PTTG2: variants seen among roughly 807,000 people sequenced by gnomAD.
PTTG2 encodes pituitary tumor-transforming 2.
For missense variants in PTTG2, 218 were observed against 226.3 expected (o/e 0.96, Z 0.23); for synonymous variants, 90 against 84.2 (o/e 1.07, Z -0.37).
At chr4:37,960,509 GCTGGAGT>G in the PTTG2 span, 1 of 1,614,150 alleles carries the variant, frequency 6.2e-7, no homozygotes, top group South Asian at 1.1e-5. Flanking sequence ...ATGTGCTGAA[GCTGGAGT>G]CTAGACCTTC....
the PTTG2 span, chr4:37,960,584 C>G: frequency 6.2e-7 from 1 of 1,614,006 alleles, no homozygotes; most frequent in Non-Finnish European, 8.5e-7. Flanking sequence ...GCAAAACATA[C>G]GATGCTCCAT....
At position 37,960,472 on chromosome 4, in the gene PTTG2, A is replaced by G; in HGVS notation, c.38A>G (p.Glu13Gly). The change falls in exon 1 of 1, where the codon GAA (glutamate) becomes GGA (glycine). Residue 13 changes from glutamate (E) to glycine (G), a missense_variant. Transcript: ENST00000504686. The stretch of plus-strand genomic sequence containing the variant: ...ATCTACGTTGATAAGGAAATTGGAG[A>G]ACCAGGCACCCGTGTGGCTGCCAAG... ...TLIYVDKEIGEPGTRVAAKDV... is the reference protein window; with the variant it reads ...TLIYVDKEIGGPGTRVAAKDV... 4 of 1,613,956 alleles carry G rather than the reference A, an allele frequency of 2.5e-6. No individual in the cohort carries two copies. Among genetic ancestry groups the G allele is most frequent in the Non-Finnish European group, 3.4e-6 (4 of 1,179,930 alleles).
chr4:37,960,857 G>C lies in PTTG2; in HGVS notation c.423G>C (p.Leu141Phe), dbSNP rs1729889169. ...PEERQIAHLP[L>F]SGVPLMILDE... ...AGCGCCAGATTGCACACCTCCCCTT[G>C]AGTGGAGTGCCTCTCATGATCCTTG... The change falls in exon 1 of 1, where the codon TTG becomes TTC. Residue 141 changes from leucine to phenylalanine, a missense_variant. Physicochemically the swap from Leu to Phe is conservative, Grantham distance 22. Coordinates refer to ENST00000504686, the MANE Select transcript of PTTG2 (RefSeq NM_006607.3). 1 of 1,614,134 alleles carries C rather than the reference G, an allele frequency of 6.2e-7. No individual in the cohort carries two copies. The highest frequency in any genetic ancestry group is 8.5e-7 in the Non-Finnish European group (1 of 1,180,024).
In PTTG2 at chr4:37,961,047, T is replaced by A; in HGVS notation, c.*37T>A. 2.5e-6 allele frequency: 4 copies of A among 1,609,066 alleles called. No individual in the cohort carries two copies. Among genetic ancestry groups the A allele is most frequent in the Non-Finnish European group, 3.4e-6 (4 of 1,175,394 alleles). ...TTTGCTATGACATAGATATTTAAAT[T>A]TCTTAGTGCTTTGGAGTTTGTGTGT... On this transcript the variant is annotated 3_prime_UTR_variant, in exon 1 of 1. Coordinates refer to ENST00000504686, the MANE Select transcript of PTTG2 (RefSeq NM_006607.3).
Position 37,961,027 on chromosome 4 carries a change from T to C in PTTG2, c.*17T>C. 1 of 1,613,624 alleles carries C rather than the reference T, an allele frequency of 6.2e-7. No homozygotes were observed. The highest frequency in any genetic ancestry group is 8.5e-7 in the Non-Finnish European group (1 of 1,179,452). On this transcript the variant is annotated 3_prime_UTR_variant, in exon 1 of 1. Transcript: ENST00000504686. ...GGATGTTGAATTGCCAGCTGTTTGC[T>C]ATGACATAGATATTTAAATTTCTTA...
rs139387268 is a variant in PTTG2, at chr4:37,960,568, G to T, written c.134G>T (p.Arg45Leu). 343 of 1,614,132 alleles carry T rather than the reference G, an allele frequency of 2.1e-4. No individual in the cohort carries two copies. The East Asian group carries it at 7.0e-3, about 33-fold the overall frequency. The change falls in exon 1 of 1, where the codon CGT (arginine) becomes CTT (leucine). Residue 45 changes from arginine to leucine, a missense_variant. Transcript: ENST00000504686. The stretch of plus-strand genomic sequence containing the variant: ...GGGATATCTCAAGTTTTAACACGAC[G>T]TTTTGGCAAAACATACGATGCTCCA... The part of the protein sequence containing the change: ...LDGISQVLTR[R>L]FGKTYDAPSA...
chr4:37,960,850 T>C lies in PTTG2; in HGVS notation c.416T>C (p.Leu139Pro). 1 of 1,614,102 alleles carries C rather than the reference T, an allele frequency of 6.2e-7. No homozygotes were observed. The highest frequency in any genetic ancestry group is 8.5e-7 in the Non-Finnish European group (1 of 1,179,996). Residue 139 changes from leucine to proline, a missense_variant, in exon 1 of 1, where the codon CTC becomes CCC. Transcript: ENST00000504686. ...DLPEERQIAHLPLSGVPLMIL... is the reference protein window; with the variant it reads ...DLPEERQIAHPPLSGVPLMIL... ...CCTGAAGAGCGCCAGATTGCACACC[T>C]CCCCTTGAGTGGAGTGCCTCTCATG...
At position 37,960,707 on chromosome 4, in the gene PTTG2, A is replaced by G; in HGVS notation, c.273A>G (p.Lys91=). The change falls in exon 1 of 1, where the codon AAA becomes AAG. Residue 91 remains lysine (K), a synonymous_variant. Transcript: ENST00000504686. ...RKQKQPSFSA[K]KMTEKTVKTK... ...AAAAACAGCCAAGCTTTTCTGCCAAAAAGATGACCGAGAAGACTGTTAAAA... is the reference window on the plus strand; with the variant it reads ...AAAAACAGCCAAGCTTTTCTGCCAAGAAGATGACCGAGAAGACTGTTAAAA... 2 of 1,614,240 alleles carry G rather than the reference A, an allele frequency of 1.2e-6. No individual in the cohort carries two copies. The highest frequency in any genetic ancestry group is 8.5e-7 in the Non-Finnish European group (1 of 1,180,042).
chr4:37,960,531 A>C lies in PTTG2; in HGVS notation c.97A>C (p.Lys33Gln). 1 of 1,614,198 alleles carries C rather than the reference A, an allele frequency of 6.2e-7. No homozygotes were observed. Among genetic ancestry groups the C allele is most frequent in the Non-Finnish European group, 8.5e-7 (1 of 1,180,028 alleles). ...VLKLESRPSI[K>Q]ALDGISQVLT... ...GAAGCTGGAGTCTAGACCTTCAATC[A>C]AAGCATTAGATGGGATATCTCAAGT... The change falls in exon 1 of 1, where the codon AAA becomes CAA. Residue 33 changes from lysine to glutamine, a missense_variant. Transcript: ENST00000504686.
chr4:37,961,042 T>A lies in PTTG2; in HGVS notation c.*32T>A. ...AGCTGTTTGCTATGACATAGATATTTAAATTTCTTAGTGCTTTGGAGTTTG... is the reference window on the plus strand; with the variant it reads ...AGCTGTTTGCTATGACATAGATATTAAAATTTCTTAGTGCTTTGGAGTTTG... On this transcript the variant is annotated 3_prime_UTR_variant, in exon 1 of 1. Coordinates refer to ENST00000504686, the MANE Select transcript of PTTG2 (RefSeq NM_006607.3). 6.2e-7 allele frequency: 1 copy of A among 1,611,308 alleles called. No homozygotes were observed. Among genetic ancestry groups the A allele is most frequent in the Non-Finnish European group, 8.5e-7 (1 of 1,177,378 alleles).
Position 37,960,716 on chromosome 4 carries a change from C to T in PTTG2, c.282C>T (p.Thr94=), listed in dbSNP as rs557030910. 111 of 1,614,140 alleles carry T rather than the reference C, an allele frequency of 6.9e-5. No individual in the cohort carries two copies. Among genetic ancestry groups the T allele is most frequent in the African/African-American group, 1.1e-4 (8 of 75,006 alleles). ...KQPSFSAKKM[T]EKTVKTKSSV... ...CAAGCTTTTCTGCCAAAAAGATGAC[C>T]GAGAAGACTGTTAAAACAAAAAGTT... The change falls in exon 1 of 1, where the codon ACC becomes ACT. Residue 94 remains threonine, a synonymous_variant. Coordinates refer to ENST00000504686, the MANE Select transcript of PTTG2 (RefSeq NM_006607.3).
rs575402767 is a variant in PTTG2 at position 37,960,762 on chromosome 4, G to A, written c.328G>A (p.Ala110Thr). ...AAGTTCTGTTCCTGCCTCAGATGAC[G>A]CCTATCCAGAAATAGAAAAATTCTT... ...TKSSVPASDD[A>T]YPEIEKFFPF... The change falls in exon 1 of 1, where the codon GCC (alanine) becomes ACC (threonine). Residue 110 changes from alanine to threonine, a missense_variant. Physicochemically the swap from Ala to Thr is moderately conservative, Grantham distance 58. Transcript: ENST00000504686. 8.0e-5 allele frequency: 129 copies of A among 1,614,076 alleles called. No homozygotes were observed. The South Asian group carries it at 1.0e-3, about 13-fold the overall frequency.
rs1729860446 is a variant in PTTG2 at position 37,960,774 on chromosome 4, A to G, written c.340A>G (p.Ile114Val). 5.6e-6 allele frequency: 9 copies of G among 1,614,076 alleles called. No individual in the cohort carries two copies. The highest frequency in any genetic ancestry group is 6.8e-6 in the Non-Finnish European group (8 of 1,180,040). ...VPASDDAYPE[I>V]EKFFPFNLLD... The stretch of plus-strand genomic sequence containing the variant: ...TGCCTCAGATGACGCCTATCCAGAA[A>G]TAGAAAAATTCTTTCCCTTCAATCT... Residue 114 changes from isoleucine to valine, a missense_variant, in exon 1 of 1, where the codon ATA (isoleucine) becomes GTA (valine). Transcript: ENST00000504686.
In PTTG2 at chr4:37,960,702, G is replaced by A. The variant is rs373049050; in HGVS notation, c.268G>A (p.Ala90Thr). 6.2e-7 allele frequency: 1 copy of A among 1,614,082 alleles called. No homozygotes were observed. The highest frequency in any genetic ancestry group is 8.5e-7 in the Non-Finnish European group (1 of 1,180,036). Residue 90 changes from alanine (A) to threonine (T), a missense_variant, in exon 1 of 1, where the codon GCC becomes ACC. Coordinates refer to ENST00000504686, the MANE Select transcript of PTTG2 (RefSeq NM_006607.3). ...PRKQKQPSFS[A>T]KKMTEKTVKT... is the part of the protein sequence containing the mutation. ...AAAACAAAAACAGCCAAGCTTTTCT[G>A]CCAAAAAGATGACCGAGAAGACTGT...
chr4:37,961,001 T>C lies in PTTG2; in HGVS notation c.567T>C (p.Pro189=). 1.2e-6 allele frequency: 2 copies of C among 1,614,226 alleles called. No homozygotes were observed. The highest frequency in any genetic ancestry group is 1.7e-6 in the Non-Finnish European group (2 of 1,180,034). ...TCTCCTTCAAGCATTCTGTCGACCC[T>C]GGATGTTGAATTGCCAGCTGTTTGC... is the stretch of plus-strand genomic sequence containing the variant. ...FAVSFKHSVD[P]GC Residue 189 remains proline, a synonymous_variant, in exon 1 of 1, where the codon CCT becomes CCC. Transcript: ENST00000504686.
chr4:37,960,945 T>G lies in PTTG2; in HGVS notation c.511T>G (p.Ser171Ala), dbSNP rs1298079111. The G allele has an allele frequency of 1.2e-6, 2 of 1,614,030 alleles. No individual in the cohort carries two copies. The highest frequency in any genetic ancestry group is 2.7e-5 in the African/African-American group (2 of 74,906). The change falls in exon 1 of 1, where the codon TCT becomes GCT. Residue 171 changes from serine (S) to alanine (A), a missense_variant. Ser to Ala is a moderately conservative substitution (Grantham distance 99, BLOSUM62 1). Coordinates refer to ENST00000504686, the MANE Select transcript of PTTG2 (RefSeq NM_006607.3). ...LGPPSPVKMPSPPWECNLFAV... is the reference protein window; with the variant it reads ...LGPPSPVKMPAPPWECNLFAV... Reference sequence around the variant, plus strand: ...CCCCCCTTCACCTGTGAAAATGCCCTCTCCACCATGGGAATGCAATCTGTT... The same window carrying G: ...CCCCCCTTCACCTGTGAAAATGCCCGCTCCACCATGGGAATGCAATCTGTT...
Position 37,961,049 on chromosome 4 carries a change from C to T in PTTG2, c.*39C>T, listed in dbSNP as rs774281197. On this transcript the variant is annotated 3_prime_UTR_variant, in exon 1 of 1. Transcript: ENST00000504686. ...TGCTATGACATAGATATTTAAATTT[C>T]TTAGTGCTTTGGAGTTTGTGTGTAC... is the stretch of plus-strand genomic sequence containing the variant. 1.4e-5 allele frequency: 22 copies of T among 1,609,518 alleles called. No individual in the cohort carries two copies. The Admixed American group carries it at 3.3e-4, about 24-fold the overall frequency.
chr4:37,960,929 AC>A, the PTTG2 span: 3 of 1,613,888 alleles, frequency 1.9e-6, no homozygotes, highest in African/African-American at 4.0e-5. Flanking sequence ...GCCCCCCTTC[AC>A]CTGTGAAAAT....
chr4:37,960,652 A>G lies in PTTG2; in HGVS notation c.218A>G (p.Lys73Arg). The G allele has an allele frequency of 6.2e-7, 1 of 1,614,202 alleles. No individual in the cohort carries two copies. Among genetic ancestry groups the G allele is most frequent in the Non-Finnish European group, 8.5e-7 (1 of 1,180,034 alleles). Residue 73 changes from lysine to arginine, a missense_variant, in exon 1 of 1, where the codon AAG becomes AGG. By Grantham distance (26) the Lys-to-Arg change is conservative. Coordinates refer to ENST00000504686, the MANE Select transcript of PTTG2 (RefSeq NM_006607.3). ...GGCACTGTCAACAGAGCTACAGAAA[A>G]GTCAGTAAAGACCAATGGACCCAGA... is the stretch of plus-strand genomic sequence containing the variant. ...ALGTVNRATE[K>R]SVKTNGPRKQ...
Sources: gnomAD v4.1 joint callset for allele counts on GRCh38, gnomAD v4.1.1 for gene constraint, MANE v1.5 for transcripts, NCBI Gene and HGNC (gene_info 2026-07-23, HGNC 2026-07-21) for gene names.